Variants in IL2RB observed in about 807,000 individuals in gnomAD.
IL2RB encodes interleukin 2 receptor subunit beta.
IL2RB carries 17 observed loss-of-function variants against 44.2 expected under a neutral mutation model. That is an observed-to-expected ratio of 0.38 (90% confidence interval 0.26 to 0.58). The LOEUF is 0.58. Among genes scored for constraint, IL2RB ranks in the 20% least tolerant of loss-of-function variants. The pLI, the probability that IL2RB is intolerant of heterozygous loss-of-function variation, is 0.63. For synonymous variants in IL2RB, 286 were observed against 297.9 expected (o/e 0.96, Z 0.41); for missense variants, 624 against 685.5 (o/e 0.91, Z 1.00).
intron 4 of IL2RB, 106 bp from the exon 5 acceptor site, chr22:37,139,328 C>T (rs534499275): frequency 3.6e-5 from 26 of 719,750 alleles, no homozygotes; most frequent in African/African-American, 7.0e-5. Context: ...CCACATGCCC[C>T]GCCACCCAAG....
intron 1 of IL2RB, among the ~76,000 whole-genome samples, chr22:37,158,475 T>C (rs940812836): frequency 1.3e-5 from 2 of 152,068 alleles, no homozygotes; most frequent in African/African-American, 4.8e-5. Flanking sequence ...GAAGAATCAC[T>C]TGAACCCGGG....
At chr22:37,148,236 G>A (rs1217392033) in intron 1 of IL2RB, among the ~76,000 whole-genome samples, 1 of 152,204 alleles carries the variant, frequency 6.6e-6, no homozygotes, top group Admixed American at 6.5e-5. Flanking sequence ...GGATGGTGTG[G>A]GGGTGCCAGA....
intron 1 of IL2RB, among the ~76,000 whole-genome samples, chr22:37,164,826 G>A (rs767583460): frequency 5.7e-4 from 87 of 152,138 alleles, no homozygotes; most frequent in Non-Finnish European, 9.3e-4. Context: ...GGAGGTACTA[G>A]GTAACTCCTC....
At position 37,127,846 on chromosome 22, in the gene IL2RB, G is replaced by A; in HGVS notation, c.*250C>T. 2.7e-6 allele frequency: 1 copy of A among 374,270 alleles called. No individual in the cohort carries two copies. The highest frequency in any genetic ancestry group is 4.8e-6 in the Non-Finnish European group (1 of 209,794). The allele number at this position is 374,270 out of a possible 1,614,324, so 23.2% of individuals were successfully genotyped here. On this transcript the variant is annotated 3_prime_UTR_variant, in exon 10 of 10. Coordinates refer to ENST00000216223, the MANE Select transcript of IL2RB (RefSeq NM_000878.5). ...GTGGGATCCTGTGATTAACGAGGGA[G>A]TTGGGGAGTTACTGCCCCCCTGCAA...
At chr22:37,148,685 C>T (rs986840200) in intron 1 of IL2RB, among the ~76,000 whole-genome samples, 1 of 152,144 alleles carries the variant, frequency 6.6e-6, no homozygotes. Flanking sequence ...GCTTTTAGCC[C>T]TCCCTACAGC....
chr22:37,127,865 C>G lies in IL2RB; in HGVS notation c.*231G>C. Reference sequence around the variant, plus strand: ...GAGGGAGTTGGGGAGTTACTGCCCCCCTGCAACACACACAGTTCCTGGCTC... The same window carrying G: ...GAGGGAGTTGGGGAGTTACTGCCCCGCTGCAACACACACAGTTCCTGGCTC... On this transcript the variant is annotated 3_prime_UTR_variant, in exon 10 of 10. Transcript: ENST00000216223. 2.5e-6 allele frequency: 1 copy of G among 394,662 alleles called. No individual in the cohort carries two copies. Among genetic ancestry groups the G allele is most frequent in the Non-Finnish European group, 4.5e-6 (1 of 222,948 alleles). 24.4% of individuals were successfully genotyped at this position (394,662 alleles called of 1,614,324 possible).
intron 7 of IL2RB, among the ~76,000 whole-genome samples, chr22:37,135,763 A>G (rs1324615508): frequency 7.0e-6 from 1 of 142,956 alleles, no homozygotes; most frequent in Non-Finnish European, 1.5e-5. Context: ...CCCTCCAAGC[A>G]CCACTTAGAG....
chr22:37,156,868 C>T (rs1922696822), intron 1 of IL2RB, among the ~76,000 whole-genome samples: 1 of 152,192 alleles, frequency 6.6e-6, no homozygotes, highest in Non-Finnish European at 1.5e-5. Flanking sequence ...CCCTCCCTGG[C>T]TCAGCCAGCT....
chr22:37,162,455 G>A (rs1194001040), intron 1 of IL2RB, among the ~76,000 whole-genome samples: 2 of 152,230 alleles, frequency 1.3e-5, no homozygotes, highest in African/African-American at 4.8e-5. Flanking sequence ...AAGGCCTGGT[G>A]AGGCCCACGC....
rs765304134 is a variant in IL2RB, at chr22:37,132,397, C to T, written c.890G>A (p.Gly297Glu). The T allele has an allele frequency of 5.6e-6, 9 of 1,613,940 alleles. No individual in the cohort carries two copies. The highest frequency in any genetic ancestry group is 2.2e-5 in the East Asian group (1 of 44,888). The change falls in exon 9 of 10, where the codon GGA becomes GAA. Residue 297 changes from glycine (G) to glutamate (E), a missense_variant. Around this residue, in one of 3 missense-constraint regions of IL2RB, gnomAD observed 255 missense variants for 339.9 expected, o/e 0.75. Transcript: ENST00000216223. ...KFFSQLSSEH[G>E]GDVQKWLSSP... Reference sequence around the variant, plus strand: ...CCGGCCTCCTACCTGGACGTCTCCTCCATGCTCTGAGCTCAGCTGGGAAAA... The same window carrying T: ...CCGGCCTCCTACCTGGACGTCTCCTTCATGCTCTGAGCTCAGCTGGGAAAA...
chr22:37,169,677 C>T (rs1428847298), intron 1 of IL2RB, among the ~76,000 whole-genome samples: 1 of 152,070 alleles, frequency 6.6e-6, no homozygotes, highest in Non-Finnish European at 1.5e-5. Flanking sequence ...TGCCCCCTCC[C>T]TGCCCTGCAT....
At chr22:37,136,044 AG>A (rs1921673436) in intron 7 of IL2RB, among the ~76,000 whole-genome samples, 183 bp downstream of exon 7, 1 of 152,128 alleles carries the variant, frequency 6.6e-6, no homozygotes, top group Non-Finnish European at 1.5e-5. Flanking sequence ...GCCCATGGCA[AG>A]CCCCGTCCCC....
At chr22:37,156,559 T>A (rs575195460) in intron 1 of IL2RB, among the ~76,000 whole-genome samples, 1 of 152,254 alleles carries the variant, frequency 6.6e-6, no homozygotes, top group East Asian at 1.9e-4. Context: ...GCTCCACCCA[T>A]CACCTCTGCG....
At chr22:37,173,034 G>T (rs117445308) in intron 1 of IL2RB, among the ~76,000 whole-genome samples, 4 of 152,142 alleles carry the variant, frequency 2.6e-5, no homozygotes. Context: ...GGACAAGATC[G>T]AATATCCCAG....
At chr22:37,166,106 C>T (rs16997854) in intron 1 of IL2RB, among the ~76,000 whole-genome samples, 30,284 of 152,216 alleles carry the variant, frequency 0.2, 3,225 homozygotes, top group East Asian at 0.34. Flanking sequence ...GAGGTGACCT[C>T]ACCGCCCATG....
At chr22:37,170,570 A>C (rs777683325) in intron 1 of IL2RB, among the ~76,000 whole-genome samples, 1 of 152,058 alleles carries the variant, frequency 6.6e-6, no homozygotes, top group African/African-American at 2.4e-5. Flanking sequence ...CCAAGCCTCC[A>C]TCCCTCTCTG....
At chr22:37,135,236 G>T in intron 8 of IL2RB, 92 bp downstream of exon 8, 1 of 785,830 alleles carries the variant, frequency 1.3e-6, no homozygotes, top group Non-Finnish European at 2.2e-6. Flanking sequence ...GTGTGTGTAT[G>T]TGTGCTTGTG....
chr22:37,131,408 A>G (rs1285586698), intron 9 of IL2RB, among the ~76,000 whole-genome samples: 1 of 152,116 alleles, frequency 6.6e-6, no homozygotes, highest in Admixed American at 6.5e-5. Context: ...CTAGGGTGGT[A>G]AAAAGTACCC....
chr22:37,153,547 C>T (rs1278757794), upstream of IL2RB, among the ~76,000 whole-genome samples: 1 of 152,216 alleles, frequency 6.6e-6, no homozygotes, highest in East Asian at 1.9e-4. Flanking sequence ...CAGTTCCTTC[C>T]ACACTGCCCT....
Sources: allele counts gnomAD v4.1 joint callset (sites outside exome capture counted in the v4.1 genomes callset), GRCh38; gene constraint gnomAD v4.1.1; regional missense constraint gnomAD v4.1.1; transcripts MANE v1.5; gene names NCBI Gene and HGNC (gene_info 2026-07-23, HGNC 2026-07-21).